The following PNPT1 variants were observed in gnomAD, a reference collection of about 807,000 sequenced individuals.
The protein encoded by PNPT1 is polyribonucleotide nucleotidyltransferase 1, also known as polyribonucleotide nucleotidyltransferase 1, mitochondrial.
PNPT1 carries 53 observed loss-of-function variants against 119.5 expected under a neutral mutation model. The ratio of observed to expected loss-of-function variants is 0.44; its 90% CI spans 0.36 to 0.56. The LOEUF is 0.56. PNPT1 is among the 20% of genes least tolerant of loss of function. The pLI, the probability that PNPT1 is intolerant of heterozygous loss-of-function variation, is 0.00. For missense variants in PNPT1, 948 were observed against 938.5 expected, an observed-to-expected ratio of 1.01 and a Z score of -0.13; for synonymous variants, 357 against 322.1, an observed-to-expected ratio of 1.11 and a Z score of -1.16.
Position 55,672,018 on chromosome 2 carries a change from A to C in PNPT1, c.895T>G (p.Phe299Val). 1.2e-6 allele frequency: 2 copies of C among 1,603,824 alleles called. No individual in the cohort carries two copies. Among genetic ancestry groups the C allele is most frequent in the Non-Finnish European group, 1.7e-6 (2 of 1,175,452 alleles). The part of the protein sequence containing the change: ...KLAMERLYAV[F>V]TDYEHDKVSR... ...ACTTTGTCATGCTCGTAATCTGTAA[A>C]AACTGCATAGAGTCTCTCCATAGCA... Residue 299 changes from phenylalanine to valine, a missense_variant, in exon 10 of 28, where the codon TTT becomes GTT. Phe to Val is a conservative substitution (Grantham distance 50). Coordinates refer to ENST00000447944, the MANE Select transcript of PNPT1 (RefSeq NM_033109.5).
At chr2:55,650,929 C>T (rs1399279399) in intron 18 of PNPT1, among the ~76,000 whole-genome samples, 2 of 149,456 alleles carry the variant, frequency 1.3e-5, no homozygotes, top group African/African-American at 5.0e-5. Flanking sequence ...CCAGCCGCCC[C>T]GTCCGGGAGG....
intron 5 of PNPT1, among the ~76,000 whole-genome samples, chr2:55,682,437 G>A (rs1006926719): frequency 6.6e-6 from 1 of 152,046 alleles, no homozygotes; most frequent in Admixed American, 6.6e-5. Context: ...CTCCAGCCTG[G>A]GTGACAGAGG....
At chr2:55,683,911 G>C (rs1697321704) in intron 4 of PNPT1, 77 bp from the exon 5 acceptor site, 1 of 1,365,976 alleles carries the variant, frequency 7.3e-7, no homozygotes, top group Non-Finnish European at 1.0e-6. Flanking sequence ...AACTAATATA[G>C]ATAGCCATTC....
chr2:55,676,262 C>CAAAAA (rs11400030), intron 8 of PNPT1, among the ~76,000 whole-genome samples: 502 of 82,146 alleles, frequency 6.1e-3, no homozygotes, highest in African/African-American at 0.012. Context: ...CCATCTCAAC[C>CAAAAA]AAAAAAAAAA....
At chr2:55,691,748 G>T (rs933547341) in intron 1 of PNPT1, among the ~76,000 whole-genome samples, 7 of 151,332 alleles carry the variant, frequency 4.6e-5, no homozygotes, top group South Asian at 2.1e-4. Context: ...CAGAATTAAT[G>T]AATGCTGGGA....
intron 1 of PNPT1, among the ~76,000 whole-genome samples, chr2:55,691,546 C>A (rs903385391): frequency 7.2e-5 from 11 of 152,080 alleles, no homozygotes; most frequent in Non-Finnish European, 2.9e-5. Context: ...AAAAGAGGAA[C>A]AGGTTGATTA....
rs756362418 is a variant in PNPT1, at chr2:55,693,713, T to A, written c.111A>T (p.Ala37=). The A allele has an allele frequency of 6.2e-7, 1 of 1,614,204 alleles. No homozygotes were observed. Among genetic ancestry groups the A allele is most frequent in the South Asian group, 1.1e-5 (1 of 91,086 alleles). The change falls in exon 1 of 28, where the codon GCA becomes GCT. Residue 37 remains alanine, a synonymous_variant. Coordinates refer to ENST00000447944, the MANE Select transcript of PNPT1 (RefSeq NM_033109.5). ...DRALTQLQVR[A]LWSSAGSRAV... is the part of the protein sequence containing the mutation. ...CTCGAGACCCTGCGCTACTCCATAG[T>A]GCTCGCACTTGCAACTGGGTGAGTG...
At chr2:55,669,319 G>C (rs1202157278) in intron 11 of PNPT1, among the ~76,000 whole-genome samples, 2 of 152,010 alleles carry the variant, frequency 1.3e-5, no homozygotes, top group Non-Finnish European at 2.9e-5. Flanking sequence ...TTTAGCTTAG[G>C]GTTTAGATGT....
At chr2:55,659,952 A>G (rs962850615) in intron 15 of PNPT1, among the ~76,000 whole-genome samples, 3 of 152,070 alleles carry the variant, frequency 2.0e-5, no homozygotes, top group African/African-American at 7.2e-5. Flanking sequence ...AAAAATAGAA[A>G]AATTAGCCAA....
At chr2:55,680,245 T>C (rs1253931858) in intron 7 of PNPT1, among the ~76,000 whole-genome samples, 1 of 152,212 alleles carries the variant, frequency 6.6e-6, no homozygotes, top group Non-Finnish European at 1.5e-5. Context: ...CTGTCTCCTT[T>C]ATGCAGAGAT....
intron 17 of PNPT1, 69 bp from the exon 18 acceptor site, chr2:55,655,022 T>C: frequency 7.5e-7 from 1 of 1,340,232 alleles, no homozygotes; most frequent in Non-Finnish European, 1.1e-6. Flanking sequence ...TTACTATTGG[T>C]TATTTCCTTA....
At chr2:55,680,663 T>C (rs750731573) in intron 7 of PNPT1, 49 bp downstream of exon 7, 5 of 1,533,072 alleles carry the variant, frequency 3.3e-6, no homozygotes, top group East Asian at 2.2e-5. Flanking sequence ...TACTACTTAC[T>C]GAAAAAAAAA....
intron 14 of PNPT1, among the ~76,000 whole-genome samples, chr2:55,661,004 C>T (rs1696551794): frequency 6.6e-6 from 1 of 152,056 alleles, no homozygotes; most frequent in South Asian, 2.1e-4. Flanking sequence ...CAGGAAGTAG[C>T]CCTACTAGGC....
At chr2:55,686,861 C>G (rs1412799544) in intron 2 of PNPT1, among the ~76,000 whole-genome samples, 1 of 152,100 alleles carries the variant, frequency 6.6e-6, no homozygotes, top group African/African-American at 2.4e-5. Context: ...TGGGCACGGT[C>G]GCTCACACTT....
At chr2:55,670,911 T>C (rs567168354) in intron 11 of PNPT1, among the ~76,000 whole-genome samples, 4 of 152,128 alleles carry the variant, frequency 2.6e-5, no homozygotes, top group Admixed American at 2.0e-4. Context: ...TACAAGTTTA[T>C]TGAAAATAAA....
chr2:55,635,519 T>G lies in PNPT1; in HGVS notation c.*718A>C, dbSNP rs1472483293. The stretch of plus-strand genomic sequence containing the variant: ...TAGTAGAGACGGGGTTTCACCGTGT[T>G]AGCCAGGATGGTCTCGATCTCCTGA... On this transcript the variant is annotated 3_prime_UTR_variant, in exon 28 of 28. Coordinates refer to ENST00000447944, the MANE Select transcript of PNPT1 (RefSeq NM_033109.5). 2.6e-5 allele frequency: 4 copies of G among 152,234 alleles called. No individual in the cohort carries two copies. Among genetic ancestry groups the G allele is most frequent in the Admixed American group, 2.6e-4 (4 of 15,262 alleles). The allele number at this position is 152,234 out of a possible 1,614,324, so 9.4% of individuals were successfully genotyped here.
chr2:55,688,873 A>G (rs571436552), intron 1 of PNPT1, among the ~76,000 whole-genome samples: 4 of 152,356 alleles, frequency 2.6e-5, no homozygotes, highest in Admixed American at 1.3e-4. Flanking sequence ...ACAATTTTCA[A>G]TTCAATGAGG....
chr2:55,686,507 A>C (rs1276389554), intron 2 of PNPT1, 63 bp from the exon 3 acceptor site: 1 of 1,240,072 alleles, frequency 8.1e-7, no homozygotes, highest in Non-Finnish European at 1.2e-6. Flanking sequence ...TCTAAGTAGC[A>C]ACTGAATAAA....
intron 13 of PNPT1, among the ~76,000 whole-genome samples, chr2:55,666,138 A>G (rs556304175): frequency 6.6e-6 from 1 of 152,218 alleles, no homozygotes; most frequent in South Asian, 2.1e-4. Flanking sequence ...GAAAATGCAA[A>G]CTAATTTATA....
Sources: allele counts gnomAD v4.1 joint callset (sites outside exome capture counted in the v4.1 genomes callset), GRCh38; gene constraint gnomAD v4.1.1; transcripts MANE v1.5; gene names NCBI Gene and HGNC (gene_info 2026-07-23, HGNC 2026-07-21).